MYL1: variants seen among roughly 807,000 people sequenced by gnomAD.
MYL1 encodes the protein myosin light chain 1/3, skeletal muscle isoform.
A neutral mutation model predicts 21.8 loss-of-function variants in MYL1; 16 were observed. That is an observed-to-expected ratio of 0.74 (90% CI 0.50 to 1.12). The LOEUF (loss-of-function observed/expected upper bound fraction) is 1.12, where lower values mean the gene tolerates loss of function less well. MYL1 is among the 50% of genes most tolerant of loss of function. The pLI is 0.00. For synonymous variants in MYL1, 99 were observed against 85.2 expected (o/e 1.16, Z -0.89); for missense variants, 246 against 241.0 (o/e 1.02, Z -0.14).
In MYL1 at chr2:210,302,819, G is replaced by GA. The variant is rs559519928; in HGVS notation, c.133-305dup. On this transcript the variant is annotated intron_variant, in intron 1 of 6. Coordinates refer to ENST00000352451, the MANE Select transcript of MYL1 (RefSeq NM_079420.3). ...TGCAGTGGCGAAGAAGAGAAAGAAA[G>GA]AAAAAAAACTAGTACTCTTTCAAAT... 4,506 of 1,550,012 alleles carry GA rather than the reference G, an allele frequency of 2.9e-3. 7 individuals carry two copies. Among genetic ancestry groups the GA allele is most frequent in the Non-Finnish European group, 3.6e-3 (4,118 of 1,146,706 alleles).
At chr2:210,305,995 C>T (rs146281882) in intron 1 of MYL1, among the ~76,000 whole-genome samples, 12 of 151,468 alleles carry the variant, frequency 7.9e-5, no homozygotes, top group South Asian at 6.3e-4. Context: ...TGGAGGTGGA[C>T]GTTGCGGTGA....
intron 1 of MYL1, chr2:210,303,500 T>C: frequency 6.3e-7 from 1 of 1,582,454 alleles, no homozygotes; most frequent in Non-Finnish European, 8.7e-7. Flanking sequence ...CCTCTATCTA[T>C]TTTCTCCTAT....
intron 3 of MYL1, among the ~76,000 whole-genome samples, chr2:210,297,290 A>G (rs1306603305): frequency 6.6e-6 from 1 of 152,058 alleles, no homozygotes; most frequent in Non-Finnish European, 1.5e-5. Flanking sequence ...GCAACAGTAT[A>G]TAAAAGTTCC....
intron 1 of MYL1, among the ~76,000 whole-genome samples, chr2:210,306,779 G>C (rs1040721040): frequency 2.0e-5 from 3 of 151,324 alleles, no homozygotes; most frequent in Non-Finnish European, 4.4e-5. Context: ...GTAAAATGGC[G>C]TGATCTCGGC....
intron 6 of MYL1, 72 bp downstream of exon 6, chr2:210,290,960 C>A: frequency 1.0e-6 from 1 of 957,066 alleles, no homozygotes; most frequent in Non-Finnish European, 1.6e-6. Flanking sequence ...AGCATATAAA[C>A]TGAAGCTGTC....
rs544178294 is a variant in MYL1, at chr2:210,292,914, C to T, written c.556+809G>A. Among the ~76,000 whole-genome samples the T allele has an allele frequency of 3.2e-3, 485 of 152,142 alleles. 3 individuals carry two copies. Among genetic ancestry groups the T allele is most frequent in the Non-Finnish European group, 5.1e-3 (345 of 67,994 alleles). On this transcript the variant is annotated intron_variant, in intron 5 of 6. Transcript: ENST00000352451. ...ATAGCCAAATGTGAAGAATTGTCGA[C>T]GGGGAAAAAAGTGAAGTTTAATCAA...
intron 2 of MYL1, among the ~76,000 whole-genome samples, chr2:210,302,209 T>C (rs1690274096): frequency 6.6e-6 from 1 of 152,178 alleles, no homozygotes; most frequent in Non-Finnish European, 1.5e-5. Context: ...TGTATGGTAT[T>C]ATCTATTGTA....
intron 2 of MYL1, among the ~76,000 whole-genome samples, chr2:210,300,579 T>C (rs1690249250): frequency 6.6e-6 from 1 of 152,188 alleles, no homozygotes. Flanking sequence ...TATAACAGTA[T>C]TGTTCTAGAA....
chr2:210,290,919 A>G (rs1327170477), intron 6 of MYL1, 113 bp downstream of exon 6: 2 of 553,204 alleles, frequency 3.6e-6, no homozygotes, highest in Non-Finnish European at 6.2e-6. Flanking sequence ...TAATATAAAT[A>G]TCTCGTAATT....
At chr2:210,306,708 TC>T (rs1418771188) in intron 1 of MYL1, among the ~76,000 whole-genome samples, 2 of 151,356 alleles carry the variant, frequency 1.3e-5, no homozygotes, top group Non-Finnish European at 2.9e-5. Flanking sequence ...CCAATTTTTT[TC>T]CTCTGGCACA....
chr2:210,305,903 A>T (rs1690335754), intron 1 of MYL1, among the ~76,000 whole-genome samples: 1 of 151,808 alleles, frequency 6.6e-6, no homozygotes, highest in South Asian at 2.1e-4. Flanking sequence ...TCTACTAAAA[A>T]TACAAAATTA....
At chr2:210,294,516 C>A in intron 3 of MYL1, 98 bp from the exon 4 acceptor site, 1 of 1,134,294 alleles carries the variant, frequency 8.8e-7, no homozygotes, top group Non-Finnish European at 1.3e-6. Context: ...ATCTGAAAAA[C>A]CTTCACACAG....
intron 1 of MYL1, among the ~76,000 whole-genome samples, chr2:210,308,169 G>T (rs932432278): frequency 1.3e-5 from 2 of 151,684 alleles, no homozygotes; most frequent in Admixed American, 6.6e-5. Flanking sequence ...ACACTGCTGT[G>T]TGCTCTCTGA....
intron 2 of MYL1, among the ~76,000 whole-genome samples, chr2:210,301,483 T>C (rs1468071612): frequency 6.6e-6 from 1 of 152,062 alleles, no homozygotes; most frequent in African/African-American, 2.4e-5. Context: ...TTCTTATTAA[T>C]CACCTATAAT....
chr2:210,301,883 T>C (rs1690270031), intron 2 of MYL1, among the ~76,000 whole-genome samples: 1 of 152,178 alleles, frequency 6.6e-6, no homozygotes, highest in South Asian at 2.1e-4. Flanking sequence ...CACTAATTCT[T>C]TGAGTCATTG....
intron 3 of MYL1, among the ~76,000 whole-genome samples, chr2:210,294,721 C>A (rs1690146911): frequency 6.6e-6 from 1 of 151,936 alleles, no homozygotes; most frequent in African/African-American, 2.4e-5. Flanking sequence ...ATTGTGAGAA[C>A]TAAATGAGCT....
In MYL1 at chr2:210,314,975, G is replaced by A; in HGVS notation, c.68C>T (p.Ala23Val). The change falls in exon 1 of 7, where the codon GCA becomes GTA. Residue 23 changes from alanine (A) to valine (V), a missense_variant. Physicochemically the swap from Ala to Val is moderately conservative, Grantham distance 64. Coordinates refer to ENST00000352451, the MANE Select transcript of MYL1 (RefSeq NM_079420.3). ...AAAAAPAPAP[A>V]PAPAPAPAKP... The stretch of plus-strand genomic sequence containing the variant: ...GGCTGGGGCAGGGGCAGGTGCAGGT[G>A]CCGGTGCCGGGGCTGGGGCAGCCGC... The A allele has an allele frequency of 6.2e-7, 1 of 1,612,818 alleles. No individual in the cohort carries two copies. Among genetic ancestry groups the A allele is most frequent in the Non-Finnish European group, 8.5e-7 (1 of 1,179,414 alleles).
chr2:210,292,168 A>G (rs943722279), intron 5 of MYL1, among the ~76,000 whole-genome samples: 3 of 152,208 alleles, frequency 2.0e-5, no homozygotes, highest in Admixed American at 6.5e-5. Context: ...TCCCGGGTTC[A>G]AGCGATTCTC....
At chr2:210,307,358 TAA>T in intron 1 of MYL1, among the ~76,000 whole-genome samples, 1 of 152,300 alleles carries the variant, frequency 6.6e-6, no homozygotes, top group Non-Finnish European at 1.5e-5. Flanking sequence ...AGATTTTCAT[TAA>T]GTTAAAATTA....
Sources: gnomAD v4.1 joint callset for allele counts (sites outside exome capture counted in the v4.1 genomes callset) on GRCh38, gnomAD v4.1.1 for gene constraint, MANE v1.5 for transcripts, NCBI Gene and HGNC (gene_info 2026-07-23, HGNC 2026-07-21) for gene names.